Variants in FGD3 observed in about 807,000 individuals in gnomAD.
FGD3 encodes FYVE, RhoGEF and PH domain containing 3, also known as FYVE, RhoGEF and PH domain-containing protein 3.
In FGD3, 45 loss-of-function variants were observed where a neutral mutation model predicts 71.8. The observed-to-expected ratio is 0.63, with a 90% confidence interval of 0.49 to 0.80. The LOEUF (loss-of-function observed/expected upper bound fraction) is 0.80, where lower values mean the gene tolerates loss of function less well. Ranked by LOEUF, FGD3 falls within the 30% of genes least tolerant of loss-of-function variation. The pLI is 0.00. For missense variants in FGD3, 844 were observed against 951.5 expected, an observed-to-expected ratio of 0.89 and a Z score of 1.49; for synonymous variants, 378 against 392.8, an observed-to-expected ratio of 0.96 and a Z score of 0.44.
At chr9:93,032,203 G>C (rs1173586322) in intron 15 of FGD3, among the ~76,000 whole-genome samples, 1 of 152,160 alleles carries the variant, frequency 6.6e-6, no homozygotes, top group African/African-American at 2.4e-5. Context: ...CAGTTCTTGT[G>C]GGTACATACC....
At chr9:93,035,298 G>A (rs1455744010) in intron 17 of FGD3, 40 bp from the exon 18 acceptor site, 8 of 1,588,314 alleles carry the variant, frequency 5.0e-6, no homozygotes, top group Non-Finnish European at 6.9e-6. Flanking sequence ...CCGAGGCCGG[G>A]AAGCTGTGGC....
chr9:93,001,310 T>C (rs1860850247), intron 3 of FGD3, among the ~76,000 whole-genome samples: 1 of 152,182 alleles, frequency 6.6e-6, no homozygotes, highest in Non-Finnish European at 1.5e-5. Flanking sequence ...AGATCAGTTT[T>C]GAAGTTTTTT....
rs1199094054 is a variant in FGD3 at position 93,027,715 on chromosome 9, C to CTTT, written c.1558-2139_1558-2137dup. ...GTTCAGTTCATCTTTTTCTTTCTTT[C>CTTT]TTTTTTTTTTTTTTTTTTTTTTGAG... On this transcript the variant is annotated intron_variant, in intron 14 of 17. Transcript: ENST00000375482. 3.2e-3 allele frequency among the ~76,000 whole-genome samples: 325 copies of CTTT among 101,980 alleles called. 3 individuals are homozygous for CTTT. Among genetic ancestry groups the CTTT allele is most frequent in the Middle Eastern group, 7.7e-3 (1 of 130 alleles). The allele number at this position is 101,980 out of a possible 152,430, so 66.9% of individuals were successfully genotyped here.
chr9:92,968,492 C>T (rs1042459535), intron 1 of FGD3, among the ~76,000 whole-genome samples: 1 of 152,106 alleles, frequency 6.6e-6, no homozygotes, highest in African/African-American at 2.4e-5. Context: ...TCCACTCCCA[C>T]AGCAGACAGG....
chr9:93,035,584 C>T lies in FGD3; in HGVS notation c.2173C>T (p.Pro725Ser), dbSNP rs775796206. The change falls in exon 18 of 18, where the codon CCG (proline) becomes TCG (serine). Residue 725 changes from proline (P) to serine (S), a missense_variant. Physicochemically the swap from Pro to Ser is moderately conservative, Grantham distance 74 (BLOSUM62 -1). Transcript: ENST00000375482. ...QLQVPMGAAA[P>S] The stretch of plus-strand genomic sequence containing the variant: ...TCAGGTCCCTATGGGCGCAGCTGCT[C>T]CGTGAGCTGAGTCTCCCACTGCCCT... 2.5e-5 allele frequency: 40 copies of T among 1,586,532 alleles called. No individual in the cohort carries two copies. The East Asian group carries it at 4.3e-4, about 17-fold the overall frequency.
At position 92,969,647 on chromosome 9, in the gene FGD3, G is replaced by T. The variant is rs904732848; in HGVS notation, c.-217-5591G>T. ...CCAGGCAGCACAGTGGACAGGTGCCGTGGTGGGTTTCTTTCAGATGGGGGG... is the reference window on the plus strand; with the variant it reads ...CCAGGCAGCACAGTGGACAGGTGCCTTGGTGGGTTTCTTTCAGATGGGGGG... On this transcript the variant is annotated intron_variant, in intron 1 of 17. Transcript: ENST00000375482. The surrounding 1 kb of genome is among the most constrained non-coding windows in gnomAD (Gnocchi z 4.5). 6.6e-6 allele frequency among the ~76,000 whole-genome samples: 1 copy of T among 152,106 alleles called. No homozygotes were observed. The highest frequency in any genetic ancestry group is 2.4e-5 in the African/African-American group (1 of 41,412).
chr9:93,034,769 G>A, intron 17 of FGD3, 88 bp downstream of exon 17: 1 of 1,427,378 alleles, frequency 7.0e-7, no homozygotes, highest in Non-Finnish European at 9.4e-7. Context: ...GCCACCAGCT[G>A]GGGTCCACCT....
rs777226684 is a variant in FGD3, at chr9:93,010,233, T to C, written c.838-13T>C. The C allele has an allele frequency of 1.5e-5, 24 of 1,598,626 alleles. No homozygotes were observed. Among genetic ancestry groups the C allele is most frequent in the Admixed American group, 6.7e-5 (4 of 59,296 alleles). ...TGTCCTTGGAGTGCCCAATGCTCCC[T>C]CTGTCCCCACAGAAGCAGGAGGTAT... On this transcript the variant is annotated splice_polypyrimidine_tract_variant and intron_variant, in intron 6 of 17. Transcript: ENST00000375482.
At chr9:92,998,283 C>T (rs1005778863) in intron 3 of FGD3, among the ~76,000 whole-genome samples, 9 of 152,154 alleles carry the variant, frequency 5.9e-5, no homozygotes, top group Non-Finnish European at 8.8e-5. Context: ...CTTGTGCATG[C>T]GTCACGTAGT....
chr9:92,989,063 G>A (rs549436999), intron 3 of FGD3, among the ~76,000 whole-genome samples: 1 of 151,926 alleles, frequency 6.6e-6, no homozygotes, highest in Non-Finnish European at 1.5e-5. Context: ...GTTTTGTTTT[G>A]TTTTTGAGAT....
chr9:92,976,538 G>A lies in FGD3; in HGVS notation c.282G>A (p.Glu94=). The change falls in exon 3 of 18, where the codon GAG becomes GAA. Residue 94 remains glutamate (E), a synonymous_variant. Coordinates refer to ENST00000375482, the MANE Select transcript of FGD3 (RefSeq NM_001083536.2). ...CTGGAGAGAACTTTCCCTGCGAGGAGGGCTTGGAGGCTGGCCCAAGCCCCA... is the reference window on the plus strand; with the variant it reads ...CTGGAGAGAACTTTCCCTGCGAGGAAGGCTTGGAGGCTGGCCCAAGCCCCA... ...SVAGENFPCE[E]GLEAGPSPTV... The A allele has an allele frequency of 6.2e-7, 1 of 1,612,672 alleles. No individual in the cohort carries two copies. Among genetic ancestry groups the A allele is most frequent in the Non-Finnish European group, 8.5e-7 (1 of 1,179,846 alleles).
chr9:92,980,220 C>T (rs533073822), intron 3 of FGD3, among the ~76,000 whole-genome samples: 9 of 152,200 alleles, frequency 5.9e-5, no homozygotes, highest in South Asian at 2.1e-4. Context: ...GAAGTTTCAC[C>T]GTTTTGGCCA....
chr9:93,029,388 T>C (rs1315170676), intron 14 of FGD3, among the ~76,000 whole-genome samples: 2 of 152,150 alleles, frequency 1.3e-5, no homozygotes, highest in Non-Finnish European at 2.9e-5. Context: ...GGCATGTGGG[T>C]GCACACCTAT....
At chr9:92,960,956 C>A (rs577151974) in intron 1 of FGD3, among the ~76,000 whole-genome samples, 1 of 151,848 alleles carries the variant, frequency 6.6e-6, no homozygotes, top group South Asian at 2.1e-4. Context: ...GGGCTCTCTC[C>A]TGGTGAGTGG....
chr9:92,994,354 A>T (rs925011360), intron 3 of FGD3, among the ~76,000 whole-genome samples: 1 of 152,002 alleles, frequency 6.6e-6, no homozygotes, highest in Non-Finnish European at 1.5e-5. Flanking sequence ...TTCATTGTAG[A>T]TTCTGGATAT....
Position 93,029,867 on chromosome 9 carries a change from C to T in FGD3, c.1558-7C>T, listed in dbSNP as rs751898920. On this transcript the variant is annotated splice_region_variant and splice_polypyrimidine_tract_variant and intron_variant, in intron 14 of 17. Coordinates refer to ENST00000375482, the MANE Select transcript of FGD3 (RefSeq NM_001083536.2). ...GAAGCTGATGGCATCTATTTGCCTC[C>T]TTATAGCTCGAGCCCAGAAAACTAT... 2.1e-5 allele frequency: 34 copies of T among 1,611,532 alleles called. No homozygotes were observed. Among genetic ancestry groups the T allele is most frequent in the Middle Eastern group, 3.3e-4 (2 of 6,080 alleles).
intron 16 of FGD3, chr9:93,033,203 G>A (rs1862426385): frequency 9.9e-6 from 4 of 404,494 alleles, no homozygotes; most frequent in Non-Finnish European, 1.9e-5. Context: ...GCCCACCTGA[G>A]GGGAGATACT....
At chr9:93,018,441 T>G (rs1861788095) in intron 11 of FGD3, among the ~76,000 whole-genome samples, 1 of 152,172 alleles carries the variant, frequency 6.6e-6, no homozygotes, top group African/African-American at 2.4e-5. Context: ...AGATGGGAAC[T>G]CAGTCTCAAA....
rs140342340 is a variant in FGD3, at chr9:92,964,766, G to T, written c.-217-10472G>T. Among the ~76,000 whole-genome samples, 753 of 152,208 alleles carry T rather than the reference G, an allele frequency of 4.9e-3. 7 individuals carry two copies. Among genetic ancestry groups the T allele is most frequent in the African/African-American group, 0.017 (717 of 41,556 alleles). ...GAGCCTTTTTCCATCGGCTGGCAGC[G>T]CACCAGCCAGGGCATCGAGACCACG... On this transcript the variant is annotated intron_variant, in intron 1 of 17. Transcript: ENST00000375482.
Sources: allele counts gnomAD v4.1 joint callset (sites outside exome capture counted in the v4.1 genomes callset), GRCh38; gene constraint gnomAD v4.1.1; non-coding constraint Gnocchi (gnomAD v3.1); transcripts MANE v1.5; gene names NCBI Gene and HGNC (gene_info 2026-07-23, HGNC 2026-07-21).